NKAIN3: variants seen among roughly 807,000 people sequenced by gnomAD.
The protein encoded by NKAIN3 is sodium/potassium-transporting ATPase subunit beta-1-interacting protein 3.
NKAIN3 carries 25 observed loss-of-function variants against 30.2 expected under a neutral mutation model. That is an observed-to-expected ratio of 0.83 (90% CI 0.60 to 1.16). The LOEUF is 1.16. NKAIN3 is among the 50% of genes most tolerant of loss of function. The probability of loss-of-function intolerance (pLI) is 0.00; values close to 1 mark genes in which losing one functional copy is unlikely to be tolerated. For synonymous variants in NKAIN3, 91 were observed against 89.6 expected (o/e 1.02, Z -0.09); for missense variants, 225 against 254.1 (o/e 0.89, Z 0.78).
At chr8:62,553,010 A>G (rs1421380561) in intron 1 of NKAIN3, among the ~76,000 whole-genome samples, 1 of 152,132 alleles carries the variant, frequency 6.6e-6, no homozygotes, top group African/African-American at 2.4e-5. Flanking sequence ...AAAGCCCCAA[A>G]TCTCCTTCCA....
chr8:62,855,374 A>G lies in NKAIN3; in HGVS notation c.472-63079A>G, dbSNP rs1820031923. 4.0e-6 allele frequency: 3 copies of G among 751,960 alleles called. No individual in the cohort carries two copies. The South Asian group carries it at 4.5e-5, about 11-fold the overall frequency. 46.6% of individuals were successfully genotyped at this position (751,960 alleles called of 1,614,324 possible). Reference sequence around the variant, plus strand: ...CTTCAGCCCATATGCCTCTTTCAGCATGGGCACAGTGAAATTGCCCAGCAT... The same window carrying G: ...CTTCAGCCCATATGCCTCTTTCAGCGTGGGCACAGTGAAATTGCCCAGCAT... On this transcript the variant is annotated intron_variant, in intron 4 of 6. Coordinates refer to ENST00000623646, the MANE Select transcript of NKAIN3 (RefSeq NM_001304533.3).
chr8:62,477,560 A>G (rs909361116), intron 1 of NKAIN3, among the ~76,000 whole-genome samples: 3 of 152,158 alleles, frequency 2.0e-5, no homozygotes, highest in Admixed American at 2.0e-4. Flanking sequence ...TTATATGTGC[A>G]TATATGGAGC....
At chr8:62,401,968 G>T (rs530504186) in intron 1 of NKAIN3, among the ~76,000 whole-genome samples, 1 of 152,142 alleles carries the variant, frequency 6.6e-6, no homozygotes, top group Non-Finnish European at 1.5e-5. Context: ...ATCTGCTGGT[G>T]GTGAAACCAT....
chr8:62,699,906 G>C (rs1814278866), intron 3 of NKAIN3, among the ~76,000 whole-genome samples: 2 of 152,182 alleles, frequency 1.3e-5, no homozygotes, highest in African/African-American at 4.8e-5. Flanking sequence ...GGTCAAGGCA[G>C]GAGGATCACT....
At chr8:62,617,329 A>G (rs1041643089) in intron 3 of NKAIN3, among the ~76,000 whole-genome samples, 1 of 152,212 alleles carries the variant, frequency 6.6e-6, no homozygotes, top group African/African-American at 2.4e-5. Context: ...CAAGGCTTAG[A>G]AGCTCTGCCA....
At chr8:62,678,739 T>C (rs77999788) in intron 3 of NKAIN3, among the ~76,000 whole-genome samples, 10,543 of 151,244 alleles carry the variant, frequency 0.07, 819 homozygotes, top group African/African-American at 0.19. Flanking sequence ...CATTGAATAA[T>C]TTATCAAAAA....
intron 3 of NKAIN3, among the ~76,000 whole-genome samples, chr8:62,626,540 G>A (rs78702301): frequency 0.019 from 2,870 of 152,188 alleles, 49 homozygotes; most frequent in Non-Finnish European, 0.029. Flanking sequence ...GTGGAGGAAG[G>A]AGACAACAGT....
At chr8:62,538,003 G>C (rs902114372) in intron 1 of NKAIN3, among the ~76,000 whole-genome samples, 2 of 152,148 alleles carry the variant, frequency 1.3e-5, no homozygotes, top group African/African-American at 2.4e-5. Flanking sequence ...ATTATCCCCA[G>C]AGTCTGGGGT....
intron 4 of NKAIN3, among the ~76,000 whole-genome samples, chr8:62,851,868 T>C (rs1005226110): frequency 6.6e-6 from 1 of 152,212 alleles, no homozygotes; most frequent in African/African-American, 2.4e-5. Context: ...CAGTATTTTA[T>C]TGAGGATTTT....
At chr8:62,274,702 G>A (rs144732389) in intron 1 of NKAIN3, among the ~76,000 whole-genome samples, 153 of 151,750 alleles carry the variant, frequency 1.0e-3, no homozygotes, top group African/African-American at 3.5e-3. Flanking sequence ...CCATTAACTC[G>A]TCATTTAGCA....
intron 5 of NKAIN3, among the ~76,000 whole-genome samples, chr8:62,952,865 T>C (rs1823322637): frequency 6.6e-6 from 1 of 152,172 alleles, no homozygotes; most frequent in Non-Finnish European, 1.5e-5. Context: ...GAAAAGACAT[T>C]TTAGAATGGA....
At chr8:62,840,465 T>C (rs557149747) in intron 4 of NKAIN3, among the ~76,000 whole-genome samples, 2 of 152,042 alleles carry the variant, frequency 1.3e-5, no homozygotes, top group Admixed American at 1.3e-4. Flanking sequence ...GAGTTTCCCT[T>C]TCTTCTTGTT....
At chr8:62,661,624 T>C (rs1812948965) in intron 3 of NKAIN3, among the ~76,000 whole-genome samples, 1 of 152,026 alleles carries the variant, frequency 6.6e-6, no homozygotes, top group Non-Finnish European at 1.5e-5. Flanking sequence ...TCTTCCTCCT[T>C]CCCCACTTGG....
intron 1 of NKAIN3, among the ~76,000 whole-genome samples, chr8:62,478,908 CCAAGGAGGTTCTCG>C (rs1211142560): frequency 6.6e-6 from 1 of 152,138 alleles, no homozygotes; most frequent in Non-Finnish European, 1.5e-5. Context: ...TTGCTGGACA[CCAAGGAGGTTCTCG>C]CAAGGAGGTT....
chr8:62,491,844 G>A (rs528851322), intron 1 of NKAIN3, among the ~76,000 whole-genome samples: 2 of 152,070 alleles, frequency 1.3e-5, no homozygotes, highest in South Asian at 2.1e-4. Flanking sequence ...ATGGAACCCC[G>A]GGGAATATCA....
chr8:62,415,265 C>T (rs988286990), intron 1 of NKAIN3, among the ~76,000 whole-genome samples: 1 of 140,798 alleles, frequency 7.1e-6, no homozygotes, highest in African/African-American at 2.6e-5. Flanking sequence ...ATATAATATA[C>T]ACTATAGTAT....
downstream of NKAIN3, among the ~76,000 whole-genome samples, chr8:62,987,333 G>T (rs560118704): frequency 1.3e-5 from 2 of 152,038 alleles, no homozygotes; most frequent in Non-Finnish European, 1.5e-5. Context: ...AATCACAGCT[G>T]CTTGGGAGGC....
intron 4 of NKAIN3, among the ~76,000 whole-genome samples, chr8:62,816,080 T>C (rs1818668668): frequency 6.6e-6 from 1 of 152,170 alleles, no homozygotes; most frequent in Non-Finnish European, 1.5e-5. Flanking sequence ...TTTGAGAGTG[T>C]CATGTTTCCT....
chr8:62,452,724 C>G (rs1258765416), intron 1 of NKAIN3, among the ~76,000 whole-genome samples: 2 of 152,138 alleles, frequency 1.3e-5, no homozygotes, highest in African/African-American at 2.4e-5. Flanking sequence ...CTCTTGATTT[C>G]TTAATTCCTT....
Sources: allele counts gnomAD v4.1 joint callset (sites outside exome capture counted in the v4.1 genomes callset), GRCh38; gene constraint gnomAD v4.1.1; transcripts MANE v1.5; gene names NCBI Gene and HGNC (gene_info 2026-07-23, HGNC 2026-07-21).